Variants in ULK4 observed in about 807,000 individuals in gnomAD.
ULK4 encodes the protein unc-51 like kinase 4.
A neutral mutation model predicts 160.6 loss-of-function variants in ULK4; 133 were observed. That is an observed-to-expected ratio of 0.83 (90% CI 0.72 to 0.96). The LOEUF (loss-of-function observed/expected upper bound fraction) is 0.96. ULK4 is among the 40% of genes least tolerant of loss of function. ULK4 has a pLI of 0.00. For synonymous variants in ULK4, 534 were observed against 539.8 expected (o/e 0.99, Z 0.15); for missense variants, 1,580 against 1,499.5 (o/e 1.05, Z -0.89).
intron 19 of ULK4, among the ~76,000 whole-genome samples, chr3:41,809,526 T>C (rs2040756244): frequency 6.6e-6 from 1 of 152,182 alleles, no homozygotes; most frequent in African/African-American, 2.4e-5. Context: ...TGTGTGGTGC[T>C]ATGTTTAGTT....
chr3:41,605,427 A>G (rs1371824361), intron 31 of ULK4, among the ~76,000 whole-genome samples: 3 of 152,068 alleles, frequency 2.0e-5, no homozygotes, highest in African/African-American at 7.2e-5. Flanking sequence ...TATGTCTCAC[A>G]CTAACCAAAA....
intron 32 of ULK4, among the ~76,000 whole-genome samples, chr3:41,548,940 C>A (rs569928785): frequency 2.6e-5 from 4 of 152,284 alleles, no homozygotes; most frequent in Admixed American, 2.6e-4. Flanking sequence ...CTGATGCTGA[C>A]TGCAGCCAAA....
intron 27 of ULK4, among the ~76,000 whole-genome samples, chr3:41,691,361 G>T (rs866428975): frequency 6.6e-6 from 1 of 151,996 alleles, no homozygotes; most frequent in Middle Eastern, 3.4e-3. Flanking sequence ...CCACAAACTT[G>T]AGTCTCTCAA....
intron 35 of ULK4, among the ~76,000 whole-genome samples, chr3:41,311,517 G>A (rs1328181765): frequency 1.3e-5 from 2 of 152,062 alleles, no homozygotes; most frequent in African/African-American, 4.8e-5. Flanking sequence ...CAGCTTGCAG[G>A]CAGCCTATTG....
At chr3:41,902,554 G>A (rs1416979755) in intron 12 of ULK4, among the ~76,000 whole-genome samples, 1 of 144,886 alleles carries the variant, frequency 6.9e-6, no homozygotes, top group Non-Finnish European at 1.5e-5. Flanking sequence ...CACCAGCCTA[G>A]GTGACAAAGC....
rs748566253 is a variant in ULK4, at chr3:41,658,728, TACACACACACACAC to T, written c.3071+4865_3071+4878del. On this transcript the variant is annotated intron_variant, in intron 30 of 36. Transcript: ENST00000301831. ...ATGCTACTGTGTATGTGAAAAACAG[TACACACACACACAC>T]ACACACACACACACACATATATACT... Among the ~76,000 whole-genome samples the T allele has an allele frequency of 7.1e-5, 6 of 84,508 alleles. No homozygotes were observed. In the South Asian group the frequency reaches 1.0e-3, roughly 14 times the overall value. The allele number at this position is 84,508 out of a possible 152,430, so 55.4% of individuals were successfully genotyped here.
At chr3:41,431,367 T>A (rs2082902712) in intron 34 of ULK4, among the ~76,000 whole-genome samples, 1 of 142,258 alleles carries the variant, frequency 7.0e-6, no homozygotes, top group Admixed American at 7.0e-5. Context: ...ATAATAATAA[T>A]AATAATAATA....
chr3:41,950,004 G>C (rs1342016191), intron 2 of ULK4, among the ~76,000 whole-genome samples: 1 of 151,986 alleles, frequency 6.6e-6, no homozygotes, highest in Non-Finnish European at 1.5e-5. Flanking sequence ...TCAAAGTGCT[G>C]GGATTATAGG....
In ULK4 at chr3:41,358,139, T is replaced by C. The variant is rs982767897; in HGVS notation, c.3678+39940A>G. Among the ~76,000 whole-genome samples, 28 of 152,184 alleles carry C rather than the reference T, an allele frequency of 1.8e-4. 1 individual carries two copies. Among genetic ancestry groups the C allele is most frequent in the Admixed American group, 1.7e-3 (26 of 15,280 alleles). The stretch of plus-strand genomic sequence containing the variant: ...TCACATGATCTCTAGCTACAGGACA[T>C]TGGAGGGCAAACACACCACAATGGA... On this transcript the variant is annotated intron_variant, in intron 35 of 36. Transcript: ENST00000301831.
At chr3:41,840,235 C>T (rs931999300) in intron 17 of ULK4, among the ~76,000 whole-genome samples, 10 of 152,070 alleles carry the variant, frequency 6.6e-5, no homozygotes, top group Non-Finnish European at 1.3e-4. Flanking sequence ...TTGAGACCAA[C>T]CTGGACAACA....
chr3:41,630,718 C>T (rs1245560479), intron 30 of ULK4, among the ~76,000 whole-genome samples: 1 of 152,208 alleles, frequency 6.6e-6, no homozygotes, highest in African/African-American at 2.4e-5. Context: ...GTTCTGCCTA[C>T]CAGAGCCTGA....
At chr3:41,293,007 G>A (rs1315268705) in intron 35 of ULK4, among the ~76,000 whole-genome samples, 8 of 151,764 alleles carry the variant, frequency 5.3e-5, no homozygotes, top group African/African-American at 1.7e-4. Flanking sequence ...CTGTAGTCCC[G>A]GTCACTTGGG....
chr3:41,931,830 C>T lies in ULK4; in HGVS notation c.541+14G>A, dbSNP rs970536123. ...ACTAGAGTTATGATCTTTAAGCTTT[C>T]CAGGTCCACATACCTTTGACTCTAC... On this transcript the variant is annotated intron_variant, in intron 5 of 36. Transcript: ENST00000301831. The T allele has an allele frequency of 8.1e-6, 13 of 1,613,742 alleles. No homozygotes were observed. Among genetic ancestry groups the T allele is most frequent in the Middle Eastern group, 1.7e-4 (1 of 6,060 alleles).
chr3:41,386,228 C>CT (rs1369032579), intron 35 of ULK4, among the ~76,000 whole-genome samples: 22 of 152,056 alleles, frequency 1.4e-4, no homozygotes, highest in South Asian at 4.1e-4. Flanking sequence ...ATACATATTC[C>CT]TTTTTTTACA....
At chr3:41,572,426 C>G (rs1186577751) in intron 31 of ULK4, among the ~76,000 whole-genome samples, 4 of 152,120 alleles carry the variant, frequency 2.6e-5, no homozygotes, top group African/African-American at 9.7e-5. Flanking sequence ...CCCCTCCCCC[C>G]ACCACTGGGA....
In ULK4 at chr3:41,925,557, G is replaced by A. The variant is rs529724438; in HGVS notation, c.542-5739C>T. Reference sequence around the variant, plus strand: ...CCTGGAAGGCCAGAGAGACAGGACCGTTCACTGCCCTGGAAAGGGGGCCAA... The same window carrying A: ...CCTGGAAGGCCAGAGAGACAGGACCATTCACTGCCCTGGAAAGGGGGCCAA... On this transcript the variant is annotated intron_variant, in intron 5 of 36. Transcript: ENST00000301831. 5.3e-5 allele frequency among the ~76,000 whole-genome samples: 8 copies of A among 152,242 alleles called. 1 individual carries two copies. In the South Asian group the frequency reaches 1.4e-3, roughly 28 times the overall value.
intron 32 of ULK4, among the ~76,000 whole-genome samples, chr3:41,481,471 T>G (rs1264638351): frequency 6.6e-6 from 1 of 152,146 alleles, no homozygotes; most frequent in Non-Finnish European, 1.5e-5. Flanking sequence ...AGGAACAGAT[T>G]AATAACATTT....
At chr3:41,695,832 C>CT (rs1236648395) in intron 27 of ULK4, among the ~76,000 whole-genome samples, 1 of 152,128 alleles carries the variant, frequency 6.6e-6, no homozygotes, top group African/African-American at 2.4e-5. Flanking sequence ...AGCAATTACT[C>CT]TTTATTCCAA....
chr3:41,412,983 A>G (rs6807686), intron 34 of ULK4, among the ~76,000 whole-genome samples: 86,982 of 152,102 alleles, frequency 0.57, 26,415 homozygotes, highest in African/African-American at 0.8. Context: ...CTGTTCTCAC[A>G]TTACTGATAA....
Sources: allele counts gnomAD v4.1 joint callset (sites outside exome capture counted in the v4.1 genomes callset), GRCh38; gene constraint gnomAD v4.1.1; transcripts MANE v1.5; gene names NCBI Gene and HGNC (gene_info 2026-07-23, HGNC 2026-07-21).